The following HOMEZ variants were observed in gnomAD, a reference collection of about 807,000 sequenced individuals.
HOMEZ encodes homeobox and leucine zipper encoding, also known as homeobox and leucine zipper protein Homez.
Under a neutral mutation model 50.1 loss-of-function variants are expected in HOMEZ, and 20 were observed. The ratio of observed to expected loss-of-function variants is 0.40; its 90% CI spans 0.28 to 0.58. HOMEZ has a LOEUF of 0.58. HOMEZ is among the 20% of genes least tolerant of loss of function. The pLI, the probability that HOMEZ is intolerant of heterozygous loss-of-function variation, is 0.46. For missense variants in HOMEZ, 579 were observed against 680.5 expected (o/e 0.85, Z 1.66); for synonymous variants, 239 against 254.7 (o/e 0.94, Z 0.59).
At chr14:23,277,839 G>A (rs960360956) in intron 1 of HOMEZ, among the ~76,000 whole-genome samples, 3 of 151,714 alleles carry the variant, frequency 2.0e-5, no homozygotes, top group African/African-American at 4.8e-5. Flanking sequence ...GTGTGTGTGC[G>A]TGTGTTTTGA....
chr14:23,280,697 TTTTA>T (rs1487686626), intron 1 of HOMEZ, among the ~76,000 whole-genome samples: 4 of 115,252 alleles, frequency 3.5e-5, no homozygotes, highest in Non-Finnish European at 3.7e-5. Context: ...TTATTTTTAT[TTTTA>T]TATTTTTATT....
intron 1 of HOMEZ, among the ~76,000 whole-genome samples, chr14:23,277,574 T>C (rs573471439): frequency 1.3e-5 from 2 of 152,062 alleles, no homozygotes; most frequent in East Asian, 2.0e-4. Flanking sequence ...GGCAACACAG[T>C]GAGACTACAA....
chr14:23,275,738 T>C lies in HOMEZ; in HGVS notation c.1490A>G (p.Asp497Gly). 1 of 1,613,368 alleles carries C rather than the reference T, an allele frequency of 6.2e-7. No individual in the cohort carries two copies. Among genetic ancestry groups the C allele is most frequent in the Non-Finnish European group, 8.5e-7 (1 of 1,179,678 alleles). Residue 497 changes from aspartate (D) to glycine (G), a missense_variant, in exon 2 of 2, where the codon GAT becomes GGT. Asp to Gly is a moderately conservative substitution (Grantham distance 94). Transcript: ENST00000357460. ...ASRLSTQQVL[D>G]WFDSRLPQPA... ...CTGAGGTAATCGAGAGTCAAACCAA[T>C]CCAGCACCTGCTGGGTGCTAAGCCT...
At position 23,275,784 on chromosome 14, in the gene HOMEZ, G is replaced by C. The variant is rs1233267052; in HGVS notation, c.1444C>G (p.Pro482Ala). Residue 482 changes from proline to alanine, a missense_variant, in exon 2 of 2, where the codon CCT (proline) becomes GCT (alanine). Physicochemically the swap from Pro to Ala is conservative, Grantham distance 27. Coordinates refer to ENST00000357460, the MANE Select transcript of HOMEZ (RefSeq NM_020834.3). The stretch of plus-strand genomic sequence containing the variant: ...AGCCTTGATGCCTGACTCAATTGAG[G>C]GATATCAGTTTCCCGTAGCTGTTGG... ...AHQQLRETDI[P>A]QLSQASRLST... is the part of the protein sequence containing the mutation. 6.2e-7 allele frequency: 1 copy of C among 1,612,948 alleles called. No individual in the cohort carries two copies. Among genetic ancestry groups the C allele is most frequent in the Non-Finnish European group, 8.5e-7 (1 of 1,179,264 alleles).
chr14:23,284,082 A>G (rs1049627170), intron 1 of HOMEZ, among the ~76,000 whole-genome samples: 1 of 152,196 alleles, frequency 6.6e-6, no homozygotes, highest in African/African-American at 2.4e-5. Flanking sequence ...CTCTTTGAGA[A>G]TCAGACAAAA....
In HOMEZ at chr14:23,275,967, C is replaced by G. The variant is rs746834504; in HGVS notation, c.1261G>C (p.Asp421His). The G allele has an allele frequency of 5.6e-6, 9 of 1,612,830 alleles. No homozygotes were observed. In the East Asian group the frequency reaches 2.0e-4, roughly 36 times the overall value. Residue 421 changes from aspartate to histidine, a missense_variant, in exon 2 of 2, where the codon GAC (aspartate) becomes CAC (histidine). Transcript: ENST00000357460. ...LKHGQLKWFR[D>H]NAVPGAPSFQ... is the part of the protein sequence containing the mutation. ...CTAGGGGCACCAGGTACTGCGTTGT[C>G]CCGAAACCACTTTAGTTGCCCATGC...
Position 23,280,736 on chromosome 14 carries a change from TTTTA to T in HOMEZ, c.41-3553_41-3550del, listed in dbSNP as rs1396651155. On this transcript the variant is annotated intron_variant, in intron 1 of 1. Transcript: ENST00000357460. ...TTTTATTTTATTTTATTTTATTTTA[TTTTA>T]TTATTTTATTTTATTTTATTTTATT... 9.4e-5 allele frequency among the ~76,000 whole-genome samples: 7 copies of T among 74,670 alleles called. 1 individual carries two copies. The highest frequency in any genetic ancestry group is 5.3e-4 in the South Asian group (1 of 1,888). 49.0% of individuals were successfully genotyped at this position (74,670 alleles called of 152,430 possible).
At position 23,275,782 on chromosome 14, in the gene HOMEZ, A is replaced by G. The variant is rs372830075; in HGVS notation, c.1446T>C (p.Pro482=). 1.2e-6 allele frequency: 2 copies of G among 1,612,878 alleles called. No homozygotes were observed. Among genetic ancestry groups the G allele is most frequent in the African/African-American group, 2.7e-5 (2 of 74,854 alleles). Residue 482 remains proline (P), a synonymous_variant, in exon 2 of 2, where the codon CCT becomes CCC. Transcript: ENST00000357460. ...TAAGCCTTGATGCCTGACTCAATTG[A>G]GGGATATCAGTTTCCCGTAGCTGTT... ...AHQQLRETDI[P]QLSQASRLST...
chr14:23,282,122 T>C (rs1886570257), intron 1 of HOMEZ, among the ~76,000 whole-genome samples: 1 of 152,170 alleles, frequency 6.6e-6, no homozygotes, highest in Non-Finnish European at 1.5e-5. Flanking sequence ...TTCAACTTCA[T>C]GGAGGTGATT....
In HOMEZ at chr14:23,286,072, C is replaced by T. The variant is rs1237144385; in HGVS notation, c.-120G>A. ...CCGAAACCGGGACTGCCCCCCCCAC[C>T]GTCCCCGGGAGCGCGCCGGTCTACC... On this transcript the variant is annotated 5_prime_UTR_variant, in exon 1 of 2. Coordinates refer to ENST00000357460, the MANE Select transcript of HOMEZ (RefSeq NM_020834.3). 4.9e-6 allele frequency: 6 copies of T among 1,230,724 alleles called. No individual in the cohort carries two copies. The highest frequency in any genetic ancestry group is 4.2e-5 in the Admixed American group (1 of 23,672). The allele number at this position is 1,230,724 out of a possible 1,614,324, so 76.2% of individuals were successfully genotyped here. A position where few individuals can be genotyped will look rare whatever the true frequency, so the allele number is the denominator to read the frequency against.
chr14:23,280,655 T>A (rs936034846), intron 1 of HOMEZ, among the ~76,000 whole-genome samples: 1 of 151,502 alleles, frequency 6.6e-6, no homozygotes, highest in South Asian at 2.1e-4. Flanking sequence ...TCCATCACCC[T>A]TTACTCTTAG....
rs1886236126 is a variant in HOMEZ at position 23,273,137 on chromosome 14, C to T, written c.*2438G>A. 3.1e-6 allele frequency: 1 copy of T among 322,820 alleles called. No homozygotes were observed. Among genetic ancestry groups the T allele is most frequent in the Admixed American group, 4.5e-5 (1 of 22,438 alleles). 20.0% of individuals were successfully genotyped at this position (322,820 alleles called of 1,614,324 possible). On this transcript the variant is annotated 3_prime_UTR_variant, in exon 2 of 2. Transcript: ENST00000357460. ...TCTTCCAGAAGACACTGGTAGCTCC[C>T]CTCATTTCCTACAATTTGGAACAAA...
At chr14:23,280,753 AT>A (rs533102365) in intron 1 of HOMEZ, among the ~76,000 whole-genome samples, 7 of 77,586 alleles carry the variant, frequency 9.0e-5, no homozygotes, top group East Asian at 8.1e-4. Flanking sequence ...ATTTTATTTT[AT>A]TTTATTTTAT....
At position 23,277,046 on chromosome 14, in the gene HOMEZ, G is replaced by A; in HGVS notation, c.182C>T (p.Thr61Ile). 6.2e-7 allele frequency: 1 copy of A among 1,614,034 alleles called. No individual in the cohort carries two copies. Among genetic ancestry groups the A allele is most frequent in the Admixed American group, 1.7e-5 (1 of 60,022 alleles). ...LQLVWTQAAQ[T>I]SELDSNEHLL... ...GTGTTCATTGCTGTCTAGCTCACTG[G>A]TCTGGGCTGCTTGCGTCCACACAAG... The change falls in exon 2 of 2, where the codon ACC (threonine) becomes ATC (isoleucine). Residue 61 changes from threonine (T) to isoleucine (I), a missense_variant. Transcript: ENST00000357460.
intron 1 of HOMEZ, among the ~76,000 whole-genome samples, chr14:23,280,767 T>A (rs192753767): frequency 1.6e-5 from 2 of 128,384 alleles, no homozygotes; most frequent in Non-Finnish European, 3.3e-5. Context: ...TATTTTATTT[T>A]ATTTTATTTT....
intron 1 of HOMEZ, among the ~76,000 whole-genome samples, chr14:23,283,214 T>C (rs182820294): frequency 2.0e-5 from 3 of 152,168 alleles, no homozygotes; most frequent in African/African-American, 7.2e-5. Context: ...ATGCCAGATA[T>C]GTCCCATTGC....
rs1886315636 is a variant in HOMEZ, at chr14:23,275,270, A to T, written c.*305T>A. The T allele has an allele frequency of 2.7e-6, 1 of 374,356 alleles. No individual in the cohort carries two copies. The allele number at this position is 374,356 out of a possible 1,614,324, so 23.2% of individuals were successfully genotyped here. A position where few individuals can be genotyped will look rare whatever the true frequency, so the allele number is the denominator to read the frequency against. Reference sequence around the variant, plus strand: ...CCTCTGTATAGTACACCAAGGGAAAAAAACAGCAGACACGAGGAGAGCAAG... The same window carrying T: ...CCTCTGTATAGTACACCAAGGGAAATAAACAGCAGACACGAGGAGAGCAAG... On this transcript the variant is annotated 3_prime_UTR_variant, in exon 2 of 2. Transcript: ENST00000357460.
rs181268632 is a variant in HOMEZ at position 23,276,020 on chromosome 14, C to T, written c.1208G>A (p.Trp403Ter). The part of the protein sequence containing the change: ...TGLPRPEIIQ[W>*]FGDTRYALKH... The stretch of plus-strand genomic sequence containing the variant: ...CAAGGCATAGCGTGTGTCACCAAAC[C>T]ACTGAATGATCTCAGGCCGAGGTAA... Residue 403 changes from tryptophan (W) to a stop codon, truncating the protein, a stop_gained, in exon 2 of 2, where the codon TGG (tryptophan) becomes TAG (stop). Coordinates refer to ENST00000357460, the MANE Select transcript of HOMEZ (RefSeq NM_020834.3). LOFTEE classifies it high-confidence loss of function. The surrounding 1 kb of genome is among the most constrained non-coding windows in gnomAD (Gnocchi z 4.1). 1 of 1,613,670 alleles carries T rather than the reference C, an allele frequency of 6.2e-7. No individual in the cohort carries two copies. The highest frequency in any genetic ancestry group is 2.2e-5 in the East Asian group (1 of 44,890).
chr14:23,279,499 C>A (rs962264040), intron 1 of HOMEZ, among the ~76,000 whole-genome samples: 4 of 151,958 alleles, frequency 2.6e-5, no homozygotes, highest in Non-Finnish European at 5.9e-5. Context: ...AGCAGGAAAT[C>A]GGAAGGAGTC....
Sources: gnomAD v4.1 joint callset for allele counts (sites outside exome capture counted in the v4.1 genomes callset) on GRCh38, gnomAD v4.1.1 for gene constraint, Gnocchi (gnomAD v3.1) non-coding constraint, MANE v1.5 for transcripts, NCBI Gene and HGNC (gene_info 2026-07-23, HGNC 2026-07-21) for gene names.